SPIDR: variants seen among roughly 807,000 people sequenced by gnomAD.
SPIDR encodes the protein scaffold protein involved in DNA repair, also known as DNA repair-scaffolding protein.
A neutral mutation model predicts 104.6 loss-of-function variants in SPIDR; 93 were observed. The observed-to-expected ratio is 0.89, with a 90% confidence interval of 0.75 to 1.06. The LOEUF (loss-of-function observed/expected upper bound fraction) is 1.06. Ranked by LOEUF, SPIDR falls within the 50% of genes least tolerant of loss-of-function variation. SPIDR has a pLI of 0.00. For missense variants in SPIDR, 1,154 were observed against 1,111.2 expected, an observed-to-expected ratio of 1.04 and a Z score of -0.55; for synonymous variants, 431 against 416.9, an observed-to-expected ratio of 1.03 and a Z score of -0.41.
At chr8:47,449,360 G>A (rs1252136017) in intron 8 of SPIDR, among the ~76,000 whole-genome samples, 2 of 152,158 alleles carry the variant, frequency 1.3e-5, no homozygotes, top group Non-Finnish European at 2.9e-5. Flanking sequence ...AAACACAAGA[G>A]AGGTTATGAT....
At chr8:47,521,076 A>AT in intron 8 of SPIDR, among the ~76,000 whole-genome samples, 1 of 152,218 alleles carries the variant, frequency 6.6e-6, no homozygotes, top group East Asian at 1.9e-4. Context: ...TGTTGGATCC[A>AT]AGACGTCTGT....
chr8:47,344,068 A>G (rs2051341153), intron 5 of SPIDR, among the ~76,000 whole-genome samples: 1 of 151,508 alleles, frequency 6.6e-6, no homozygotes, highest in Non-Finnish European at 1.5e-5. Context: ...TGCTGCACCC[A>G]TTAACTCGTC....
intron 10 of SPIDR, among the ~76,000 whole-genome samples, chr8:47,663,107 C>T (rs1451720008): frequency 2.0e-5 from 3 of 152,240 alleles, no homozygotes; most frequent in African/African-American, 7.2e-5. Flanking sequence ...AAACCTCTTT[C>T]CCGTCCTAGG....
At chr8:47,315,439 A>T (rs2045148848) in intron 5 of SPIDR, among the ~76,000 whole-genome samples, 1 of 152,294 alleles carries the variant, frequency 6.6e-6, no homozygotes, top group East Asian at 1.9e-4. Context: ...GAATATTTGG[A>T]AGTTAAACAG....
chr8:47,583,567 T>C (rs1241960756), intron 8 of SPIDR, among the ~76,000 whole-genome samples: 1 of 152,136 alleles, frequency 6.6e-6, no homozygotes, highest in East Asian at 1.9e-4. Context: ...CACCACGTGG[T>C]GTTGGATTGA....
intron 5 of SPIDR, among the ~76,000 whole-genome samples, chr8:47,325,600 C>T (rs1554599875): frequency 6.6e-6 from 1 of 152,198 alleles, no homozygotes; most frequent in Non-Finnish European, 1.5e-5. Flanking sequence ...AAACAAGTTA[C>T]TGATCTAACC....
chr8:47,280,467 G>A (rs1281671077), intron 2 of SPIDR, among the ~76,000 whole-genome samples: 1 of 150,240 alleles, frequency 6.7e-6, no homozygotes, highest in Non-Finnish European at 1.5e-5. Flanking sequence ...ATGTTGGCTC[G>A]CTGCAACCTC....
intron 5 of SPIDR, among the ~76,000 whole-genome samples, chr8:47,350,505 G>C (rs1301801157): frequency 6.6e-6 from 1 of 151,676 alleles, no homozygotes; most frequent in Non-Finnish European, 1.5e-5. Flanking sequence ...GTAGAGATGG[G>C]GTTTCACCAT....
At chr8:47,472,047 G>A (rs781943595) in intron 8 of SPIDR, among the ~76,000 whole-genome samples, 5 of 152,250 alleles carry the variant, frequency 3.3e-5, no homozygotes, top group African/African-American at 9.6e-5. Context: ...ACTGTATGCC[G>A]GTACATTGCC....
intron 19 of SPIDR, chr8:47,732,520 G>C: frequency 3.1e-6 from 1 of 318,086 alleles, no homozygotes; most frequent in Non-Finnish European, 5.9e-6. Flanking sequence ...TGTGGGGTAA[G>C]TTCCAAGCCT....
At chr8:47,586,346 T>C (rs537060809) in intron 8 of SPIDR, among the ~76,000 whole-genome samples, 2 of 152,328 alleles carry the variant, frequency 1.3e-5, no homozygotes, top group South Asian at 2.1e-4. Flanking sequence ...AGAGTAGTTA[T>C]ACAATTTTAC....
At chr8:47,441,606 G>A (rs1232354755) in intron 8 of SPIDR, among the ~76,000 whole-genome samples, 1 of 152,024 alleles carries the variant, frequency 6.6e-6, no homozygotes. Context: ...GGGGGCAGGG[G>A]TTTGTTTTGT....
chr8:47,356,336 G>A (rs1029048314), intron 5 of SPIDR, among the ~76,000 whole-genome samples: 1 of 152,146 alleles, frequency 6.6e-6, no homozygotes, highest in East Asian at 1.9e-4. Flanking sequence ...GATCAGAGTC[G>A]CTGTCTTGGG....
intron 11 of SPIDR, among the ~76,000 whole-genome samples, chr8:47,682,928 A>G (rs1216011637): frequency 6.6e-6 from 1 of 152,220 alleles, no homozygotes; most frequent in African/African-American, 2.4e-5. Flanking sequence ...TATGTAATCT[A>G]CTTTCACTAT....
At chr8:47,582,860 A>ACT (rs1336473968) in intron 8 of SPIDR, among the ~76,000 whole-genome samples, 1 of 144,180 alleles carries the variant, frequency 6.9e-6, no homozygotes, top group Non-Finnish European at 1.5e-5. Context: ...ACACACACAC[A>ACT]CACACACACA....
At chr8:47,294,633 T>A (rs2040512066) in intron 5 of SPIDR, among the ~76,000 whole-genome samples, 1 of 152,072 alleles carries the variant, frequency 6.6e-6, no homozygotes. Context: ...GAAATCTATT[T>A]TTATTTATTT....
intron 16 of SPIDR, among the ~76,000 whole-genome samples, chr8:47,722,320 T>C (rs189825680): frequency 3.3e-5 from 5 of 152,332 alleles, no homozygotes; most frequent in Admixed American, 6.5e-5. Context: ...TGTGAACAGT[T>C]TTCTTTCTTC....
chr8:47,618,224 T>C (rs549881825), intron 10 of SPIDR, among the ~76,000 whole-genome samples: 1 of 152,308 alleles, frequency 6.6e-6, no homozygotes, highest in South Asian at 2.1e-4. Flanking sequence ...CATTCCTTTA[T>C]CTTCTGCAAA....
intron 16 of SPIDR, among the ~76,000 whole-genome samples, chr8:47,726,671 C>T (rs1216537463): frequency 6.6e-6 from 1 of 152,212 alleles, no homozygotes; most frequent in Non-Finnish European, 1.5e-5. Flanking sequence ...CTGGGATGCC[C>T]AGAGGTGTCT....
Sources: gnomAD v4.1 joint callset for allele counts (sites outside exome capture counted in the v4.1 genomes callset) on GRCh38, gnomAD v4.1.1 for gene constraint, MANE v1.5 for transcripts, NCBI Gene and HGNC (gene_info 2026-07-23, HGNC 2026-07-21) for gene names.